CSF1R: variants seen among roughly 807,000 people sequenced by gnomAD.
CSF1R encodes colony stimulating factor 1 receptor, also known as macrophage colony-stimulating factor 1 receptor.
In CSF1R, 40 loss-of-function variants were observed where a neutral mutation model predicts 110.0. The observed-to-expected ratio is 0.36, with a 90% confidence interval of 0.28 to 0.47. The LOEUF (loss-of-function observed/expected upper bound fraction) is 0.47. CSF1R is among the 20% of genes least tolerant of loss of function. The probability of loss-of-function intolerance (pLI) is 0.99; values close to 1 mark genes in which losing one functional copy is unlikely to be tolerated. For missense variants in CSF1R, 1,052 were observed against 1,253.0 expected (o/e 0.84, Z 2.42); for synonymous variants, 523 against 503.4 (o/e 1.04, Z -0.52).
chr5:150,068,358 C>T lies in CSF1R; in HGVS notation c.1511-28G>A, dbSNP rs1233172544. 3.8e-6 allele frequency: 6 copies of T among 1,578,182 alleles called. No homozygotes were observed. In the East Asian group the frequency reaches 6.7e-5, roughly 18 times the overall value. The stretch of plus-strand genomic sequence containing the variant: ...GGAAGGCATGAAGCAAAGCAGTGAG[C>T]AGGCAGGGGTGCCTCCGAGCCCCCT... On this transcript the variant is annotated intron_variant, in intron 9 of 20. Transcript: ENST00000675795.
intron 1 of CSF1R, among the ~76,000 whole-genome samples, chr5:150,083,019 G>A (rs1758621309): frequency 1.3e-5 from 2 of 152,094 alleles, no homozygotes; most frequent in Admixed American, 1.3e-4. Flanking sequence ...AATGTGGTCA[G>A]GGAGCGGTGT....
At chr5:150,075,500 G>A (rs536108624) in intron 5 of CSF1R, among the ~76,000 whole-genome samples, 25 of 152,328 alleles carry the variant, frequency 1.6e-4, no homozygotes, top group Admixed American at 8.5e-4. Context: ...CAAAATGGCC[G>A]CATGGCTTGC....
intron 14 of CSF1R, 130 bp downstream of exon 14, chr5:150,059,570 G>A (rs2113786911): frequency 2.8e-6 from 3 of 1,061,518 alleles, no homozygotes. Flanking sequence ...TACTTCCCAT[G>A]ACACAGGTGG....
In CSF1R at chr5:150,071,605, A is replaced by G. The variant is rs561238835; in HGVS notation, c.1083-1034T>C. Among the ~76,000 whole-genome samples the G allele has an allele frequency of 1.6e-4, 25 of 152,344 alleles. No homozygotes were observed. The South Asian group carries it at 4.6e-3, about 28-fold the overall frequency. On this transcript the variant is annotated intron_variant, in intron 6 of 20. Transcript: ENST00000675795. ...GGATAATTGAAAGTCACCATTATGA[A>G]CAACCCATCACATGAACTAAAATTC...
At chr5:150,067,811 T>C (rs1757839064) in intron 10 of CSF1R, among the ~76,000 whole-genome samples, 2 of 152,166 alleles carry the variant, frequency 1.3e-5, no homozygotes, top group African/African-American at 4.8e-5. Flanking sequence ...GCCATTCCTC[T>C]CCTCATAGCC....
At position 150,053,537 on chromosome 5, in the gene CSF1R, C is replaced by T. The variant is rs527300272; in HGVS notation, c.*532G>A. 1.9e-4 allele frequency: 45 copies of T among 235,660 alleles called. No homozygotes were observed. The highest frequency in any genetic ancestry group is 1.3e-3 in the Middle Eastern group (1 of 792). 14.6% of individuals were successfully genotyped at this position (235,660 alleles called of 1,614,324 possible). On this transcript the variant is annotated 3_prime_UTR_variant, in exon 21 of 21. Transcript: ENST00000675795. Reference sequence around the variant, plus strand: ...GAGGGGTGAGGCTGTGGAGTGAAGGCGGCGTATAGGGCAGAGACTAAGAGG... The same window carrying T: ...GAGGGGTGAGGCTGTGGAGTGAAGGTGGCGTATAGGGCAGAGACTAAGAGG...
At chr5:150,054,452 G>GC (rs540202737) in intron 19 of CSF1R, 22 bp from the exon 20 acceptor site, 131 of 1,593,434 alleles carry the variant, frequency 8.2e-5, no homozygotes, top group Non-Finnish European at 1.1e-4. Context: ...GACAGAGGAT[G>GC]CCCATGGGCA....
In CSF1R at chr5:150,060,699, C is replaced by G. The variant is rs149858452; in HGVS notation, c.1969+163G>C. Among the ~76,000 whole-genome samples, 937 of 152,246 alleles carry G rather than the reference C, an allele frequency of 6.2e-3. 8 individuals carry two copies. The highest frequency in any genetic ancestry group is 0.021 in the African/African-American group (861 of 41,540). On this transcript the variant is annotated intron_variant, in intron 13 of 20. Transcript: ENST00000675795. ...CTGCCCGTGCAGCTCCTGACTATTCCAGGAGATGGGCCCAGGAGTTTAAGG... is the reference window on the plus strand; with the variant it reads ...CTGCCCGTGCAGCTCCTGACTATTCGAGGAGATGGGCCCAGGAGTTTAAGG...
At chr5:150,088,955 G>A (rs1390966948), upstream of CSF1R, among the ~76,000 whole-genome samples, 1 of 152,150 alleles carries the variant, frequency 6.6e-6, no homozygotes, top group African/African-American at 2.4e-5. Flanking sequence ...CACATTAATA[G>A]AATGAAAAAA....
rs1457783332 is a variant in CSF1R, at chr5:150,059,865, A to C, written c.1970-3T>G. On this transcript the variant is annotated splice_region_variant and splice_polypyrimidine_tract_variant and intron_variant, in intron 13 of 20. Coordinates refer to ENST00000675795, the MANE Select transcript of CSF1R (RefSeq NM_001288705.3). ...CTCCGTGATGACCAGTACAGGGCCT[A>C]GAGCAGCCAAGGGTGTGGGGTGAGG... 6.2e-7 allele frequency: 1 copy of C among 1,606,398 alleles called. No individual in the cohort carries two copies. Among genetic ancestry groups the C allele is most frequent in the Non-Finnish European group, 8.5e-7 (1 of 1,174,104 alleles).
chr5:150,101,434 A>G (rs1335574820), intron 1 of CSF1R, among the ~76,000 whole-genome samples: 4 of 152,186 alleles, frequency 2.6e-5, no homozygotes, highest in South Asian at 4.1e-4. Flanking sequence ...GTTGTTTGCT[A>G]TGCAACAACA....
chr5:150,074,979 G>A (rs1240995464), intron 5 of CSF1R, among the ~76,000 whole-genome samples: 10 of 152,060 alleles, frequency 6.6e-5, no homozygotes, highest in Non-Finnish European at 5.9e-5. Flanking sequence ...TCATTATAGA[G>A]GCCCCTTTAT....
chr5:150,106,473 G>C (rs1759558220), intron 1 of CSF1R, among the ~76,000 whole-genome samples: 1 of 152,110 alleles, frequency 6.6e-6, no homozygotes, highest in South Asian at 2.1e-4. Context: ...TTCCCCACCA[G>C]AGAGTGGAGT....
chr5:150,066,240 G>A (rs1757765289), intron 10 of CSF1R, among the ~76,000 whole-genome samples: 2 of 152,166 alleles, frequency 1.3e-5, no homozygotes, highest in Admixed American at 6.5e-5. Flanking sequence ...AGACTGTCTC[G>A]TCCAGCACCC....
chr5:150,085,292 A>AAAAAAAAAAAAAAAAAAC (rs1758792612), intron 1 of CSF1R, among the ~76,000 whole-genome samples: 1 of 136,076 alleles, frequency 7.3e-6, no homozygotes, highest in Non-Finnish European at 1.7e-5. Context: ...AAAAAAAAAA[A>AAAAAAAAAAAAAAAAAAC]ACCCAAATAC....
intron 6 of CSF1R, among the ~76,000 whole-genome samples, chr5:150,070,800 G>A (rs987253761): frequency 2.6e-5 from 4 of 152,064 alleles, no homozygotes; most frequent in African/African-American, 7.2e-5. Context: ...TTTTTTTCCC[G>A]AGGTTTAATA....
rs559363753 is a variant in CSF1R at position 150,055,026 on chromosome 5, C to T, written c.2654+211G>A. Among the ~76,000 whole-genome samples, 18 of 148,730 alleles carry T rather than the reference C, an allele frequency of 1.2e-4. No individual in the cohort carries two copies. In the South Asian group the frequency reaches 3.2e-3, roughly 26 times the overall value. ...AAAAAAAAAAAAAAGGAAAAGTGGT[C>T]GGTTAGGACCAGCCCTAGTGAACAG... is the stretch of plus-strand genomic sequence containing the variant. On this transcript the variant is annotated intron_variant, in intron 19 of 20. Coordinates refer to ENST00000675795, the MANE Select transcript of CSF1R (RefSeq NM_001288705.3).
intron 16 of CSF1R, 64 bp from the exon 17 acceptor site, chr5:150,056,405 ATGGCAGGGAGGGCCCCACATGGCTT>A (rs1198298290): frequency 5.6e-6 from 9 of 1,595,758 alleles, no homozygotes; most frequent in Non-Finnish European, 7.7e-6. Flanking sequence ...GGTGAGGAGG[ATGGCAGGGAGGGCCCCACATGGCTT>A]TGGAGTCCCT....
At chr5:150,066,231 G>C (rs1757764721) in intron 10 of CSF1R, among the ~76,000 whole-genome samples, 1 of 152,146 alleles carries the variant, frequency 6.6e-6, no homozygotes, top group Admixed American at 6.5e-5. Context: ...CCATCACAGA[G>C]ACTGTCTCGT....
Sources: allele counts gnomAD v4.1 joint callset (sites outside exome capture counted in the v4.1 genomes callset), GRCh38; gene constraint gnomAD v4.1.1; transcripts MANE v1.5; gene names NCBI Gene and HGNC (gene_info 2026-07-23, HGNC 2026-07-21).